MGRN1: variants seen among roughly 807,000 people sequenced by gnomAD.
MGRN1 encodes E3 ubiquitin-protein ligase MGRN1.
MGRN1 carries 29 observed loss-of-function variants against 69.2 expected under a neutral mutation model. The observed-to-expected ratio is 0.42, with a 90% CI of 0.31 to 0.57. MGRN1 has a LOEUF of 0.57. Ranked by LOEUF, MGRN1 falls within the 20% of genes least tolerant of loss-of-function variation. The pLI is 0.15. For missense variants in MGRN1, 998 were observed against 796.2 expected, an observed-to-expected ratio of 1.25 and a Z score of -3.05; for synonymous variants, 470 against 344.2, an observed-to-expected ratio of 1.37 and a Z score of -4.04.
chr16:4,674,191 C>A (rs1202258045), intron 10 of MGRN1, among the ~76,000 whole-genome samples: 3 of 152,104 alleles, frequency 2.0e-5, no homozygotes, highest in Non-Finnish European at 4.4e-5. Context: ...GCCATGTTGG[C>A]CAGGCTGGTC....
chr16:4,669,608 T>C (rs1037528245), intron 8 of MGRN1, among the ~76,000 whole-genome samples: 2 of 152,108 alleles, frequency 1.3e-5, no homozygotes, highest in African/African-American at 4.8e-5. Context: ...TGGAACATAG[T>C]GTTAAGTAAA....
At chr16:4,646,070 A>G (rs1279178403) in intron 1 of MGRN1, among the ~76,000 whole-genome samples, 1 of 152,014 alleles carries the variant, frequency 6.6e-6, no homozygotes, top group East Asian at 1.9e-4. Context: ...AGCACTTCCT[A>G]CCTTACGGTG....
In MGRN1 at chr16:4,680,088, A is replaced by C; in HGVS notation, c.1122A>C (p.Lys374Asn). The stretch of plus-strand genomic sequence containing the variant: ...CCTCCCTGGCCAGCAAGAAACCTAA[A>C]AGGGAAACAGTAAGTGTCTGGTCCT... The part of the protein sequence containing the change: ...HPASLASKKP[K>N]RETNSDSVPP... The change falls in exon 12 of 17, where the codon AAA (lysine) becomes AAC (asparagine). Residue 374 changes from lysine (K) to asparagine (N), a missense_variant. Transcript: ENST00000262370. The C allele has an allele frequency of 6.2e-7, 1 of 1,614,006 alleles. No homozygotes were observed.
chr16:4,661,724 A>G (rs1446150993), intron 5 of MGRN1, among the ~76,000 whole-genome samples: 4 of 152,124 alleles, frequency 2.6e-5, no homozygotes, highest in African/African-American at 7.2e-5. Context: ...ACCTCTGTCC[A>G]TGTGTGCGTT....
chr16:4,689,625 C>A lies in MGRN1; in HGVS notation c.*717C>A, dbSNP rs567831104. ...AGTGGCCTTGTCACCAAGCTCCACA[C>A]CTCCTCCTGGTGCTGGCTTTGGTGA... On this transcript the variant is annotated 3_prime_UTR_variant, in exon 17 of 17. Transcript: ENST00000262370. The A allele has an allele frequency of 6.6e-6, 1 of 152,400 alleles. No homozygotes were observed. Among genetic ancestry groups the A allele is most frequent in the African/African-American group, 2.4e-5 (1 of 41,574 alleles). 9.4% of individuals were successfully genotyped at this position (152,400 alleles called of 1,614,324 possible).
intron 13 of MGRN1, 71 bp from the exon 14 acceptor site, chr16:4,682,752 A>G (rs2079217321): frequency 3.5e-6 from 5 of 1,431,080 alleles, no homozygotes; most frequent in Non-Finnish European, 3.7e-6. Flanking sequence ...GGTGCCCTGC[A>G]TGGCTTTGGC....
chr16:4,687,885 C>A, intron 16 of MGRN1: 1 of 985,512 alleles, frequency 1.0e-6, no homozygotes, highest in Non-Finnish European at 1.2e-6. Flanking sequence ...CCAGCGAGTC[C>A]CTCTGTTGAC....
chr16:4,669,752 TGAAAA>T (rs1037999587), intron 8 of MGRN1, among the ~76,000 whole-genome samples: 63 of 152,110 alleles, frequency 4.1e-4, no homozygotes, highest in African/African-American at 1.3e-3. Context: ...CATCAATACT[TGAAAA>T]GAAGGATTAA....
chr16:4,644,796 C>G (rs1417145925), intron 1 of MGRN1, among the ~76,000 whole-genome samples: 1 of 152,084 alleles, frequency 6.6e-6, no homozygotes, highest in African/African-American at 2.4e-5. Context: ...AGGTAAAATT[C>G]ACTTACCATG....
intron 16 of MGRN1, among the ~76,000 whole-genome samples, chr16:4,685,814 C>T (rs1351696984): frequency 1.3e-5 from 2 of 152,214 alleles, no homozygotes; most frequent in Non-Finnish European, 2.9e-5. Context: ...GGTGCAGCCG[C>T]TGCCTGGCGG....
At chr16:4,686,380 C>CGG in intron 16 of MGRN1, 1 of 1,508,482 alleles carries the variant, frequency 6.6e-7, no homozygotes. Context: ...TGCTCTCTGG[C>CGG]GGGGGTTCCT....
intron 16 of MGRN1, chr16:4,686,599 A>C: frequency 8.2e-7 from 1 of 1,225,812 alleles, no homozygotes. Context: ...GTCCCAGCCC[A>C]GGCAGGGAGA....
At chr16:4,642,751 G>GCCACCACGCC (rs1485488785) in intron 1 of MGRN1, among the ~76,000 whole-genome samples, 2 of 151,840 alleles carry the variant, frequency 1.3e-5, no homozygotes, top group African/African-American at 4.8e-5. Context: ...ACAGGGGTGA[G>GCCACCACGCC]CACCGTGCCT....
intron 11 of MGRN1, among the ~76,000 whole-genome samples, chr16:4,677,795 G>C (rs1042279394): frequency 6.6e-6 from 1 of 151,112 alleles, no homozygotes; most frequent in South Asian, 2.1e-4. Flanking sequence ...CAGAGCCTGC[G>C]ACAAGGCTGA....
In MGRN1 at chr16:4,656,047, A is replaced by G. The variant is rs572916296; in HGVS notation, c.444-1199A>G. Among the ~76,000 whole-genome samples, 5 of 152,028 alleles carry G rather than the reference A, an allele frequency of 3.3e-5. No homozygotes were observed. The East Asian group carries it at 5.8e-4, about 18-fold the overall frequency. ...TGGTGGCCCCCCCACGCCCCATCCC[A>G]TTTCTGAGCTTGGTGTGCCTTTGTC... On this transcript the variant is annotated intron_variant, in intron 4 of 16. Coordinates refer to ENST00000262370, the MANE Select transcript of MGRN1 (RefSeq NM_015246.4).
intron 5 of MGRN1, among the ~76,000 whole-genome samples, chr16:4,663,099 T>C (rs2078718903): frequency 1.3e-5 from 2 of 152,236 alleles, no homozygotes; most frequent in South Asian, 4.1e-4. Context: ...AGTCTCACTG[T>C]GTCGCCCAGG....
chr16:4,661,341 C>A (rs867835454), intron 5 of MGRN1, among the ~76,000 whole-genome samples: 1 of 152,188 alleles, frequency 6.6e-6, no homozygotes. Flanking sequence ...CAGGATTGGC[C>A]GCCTTGGCCA....
At position 4,627,749 on chromosome 16, in the gene MGRN1, C is replaced by T. The variant is rs531055389; in HGVS notation, c.88+2701C>T. 1.4e-3 allele frequency among the ~76,000 whole-genome samples: 210 copies of T among 150,508 alleles called. 6 individuals carry two copies. The highest frequency in any genetic ancestry group is 4.9e-3 in the African/African-American group (200 of 40,618). ...AGGCTGCAGTGAGCCGAGATTGCGC[C>T]ACTGCACTCCAGCCTGGGTGACAGA... On this transcript the variant is annotated intron_variant, in intron 1 of 16. Coordinates refer to ENST00000262370, the MANE Select transcript of MGRN1 (RefSeq NM_015246.4).
chr16:4,635,069 T>C (rs1266459226), intron 1 of MGRN1: 1 of 152,182 alleles, frequency 6.6e-6, no homozygotes, highest in African/African-American at 2.4e-5. Context: ...GCTTCAGTGC[T>C]TTGGGGAAAA....
Sources: gnomAD v4.1 joint callset for allele counts (sites outside exome capture counted in the v4.1 genomes callset) on GRCh38, gnomAD v4.1.1 for gene constraint, MANE v1.5 for transcripts, NCBI Gene and HGNC (gene_info 2026-07-23, HGNC 2026-07-21) for gene names.